GAB4: variants seen among roughly 807,000 people sequenced by gnomAD.
The protein encoded by GAB4 is GRB2 associated binding protein family member 4.
Under a neutral mutation model 51.3 loss-of-function variants are expected in GAB4, and 26 were observed. That is an observed-to-expected ratio of 0.51 (90% CI 0.37 to 0.70). The LOEUF (loss-of-function observed/expected upper bound fraction) is 0.70, where lower values mean the gene tolerates loss of function less well. GAB4 is among the 30% of genes least tolerant of loss of function. The pLI, the probability that GAB4 is intolerant of heterozygous loss-of-function variation, is 0.00. For synonymous variants in GAB4, 329 were observed against 291.2 expected (o/e 1.13, Z -1.32); for missense variants, 759 against 734.6 (o/e 1.03, Z -0.38).
At chr22:16,969,294 T>A (rs986991513) in intron 4 of GAB4, among the ~76,000 whole-genome samples, 1 of 152,240 alleles carries the variant, frequency 6.6e-6, no homozygotes, top group African/African-American at 2.4e-5. Flanking sequence ...CTGTTTTAAG[T>A]CTTTACTCGG....
At chr22:16,993,733 G>C (rs2060930740) in intron 1 of GAB4, among the ~76,000 whole-genome samples, 1 of 152,132 alleles carries the variant, frequency 6.6e-6, no homozygotes, top group Non-Finnish European at 1.5e-5. Flanking sequence ...TATTTACCTA[G>C]TTCATGGTTT....
rs531744203 is a variant in GAB4, at chr22:17,001,650, A to G, written c.174+6291T>C. ...TGAAGCCTTCTTCTGTCAACTCGTC[A>G]AAGTCATTCTCTGTCCAGCTTTGCT... On this transcript the variant is annotated intron_variant, in intron 1 of 9. Coordinates refer to ENST00000400588, the MANE Select transcript of GAB4 (RefSeq NM_001037814.1). Among the ~76,000 whole-genome samples, 11 of 152,308 alleles carry G rather than the reference A, an allele frequency of 7.2e-5. No homozygotes were observed. In the South Asian group the frequency reaches 1.9e-3, roughly 26 times the overall value.
At chr22:17,001,719 G>T (rs758846124) in intron 1 of GAB4, among the ~76,000 whole-genome samples, 1 of 152,136 alleles carries the variant, frequency 6.6e-6, no homozygotes, top group South Asian at 2.1e-4. Context: ...GAGAAGAGGC[G>T]CTCTGATTTT....
intron 1 of GAB4, among the ~76,000 whole-genome samples, chr22:16,998,212 C>T (rs1015968961): frequency 6.6e-6 from 1 of 152,184 alleles, no homozygotes; most frequent in East Asian, 1.9e-4. Context: ...GGGGATGGCA[C>T]TGAATCTATA....
At position 16,982,637 on chromosome 22, in the gene GAB4, G is replaced by C. The variant is rs2060835865; in HGVS notation, c.686+5323C>G. Among the ~76,000 whole-genome samples, 3 of 152,094 alleles carry C rather than the reference G, an allele frequency of 2.0e-5. No homozygotes were observed. In the South Asian group the frequency reaches 6.2e-4, roughly 31 times the overall value. On this transcript the variant is annotated intron_variant, in intron 3 of 9. Coordinates refer to ENST00000400588, the MANE Select transcript of GAB4 (RefSeq NM_001037814.1). ...CAAAATACATTCAGTATTCTCTACA[G>C]AAATAGAAACAAAAATTCTAAAATT...
chr22:16,986,442 G>GT (rs1569103351), intron 3 of GAB4, among the ~76,000 whole-genome samples: 1 of 152,194 alleles, frequency 6.6e-6, no homozygotes. Context: ...AGAACCACAG[G>GT]TAACAGGGAC....
chr22:16,975,941 C>A (rs1309590008), intron 3 of GAB4, among the ~76,000 whole-genome samples: 1 of 152,130 alleles, frequency 6.6e-6, no homozygotes, highest in African/African-American at 2.4e-5. Context: ...AGGGGTCTGA[C>A]TGTTAGGAGG....
chr22:16,986,223 G>A (rs2060866159), intron 3 of GAB4, among the ~76,000 whole-genome samples: 1 of 152,232 alleles, frequency 6.6e-6, no homozygotes, highest in Non-Finnish European at 1.5e-5. Flanking sequence ...TCCTCAGTCT[G>A]TGTCAGCAAG....
chr22:17,001,495 T>C (rs1225425451), intron 1 of GAB4, among the ~76,000 whole-genome samples: 2 of 152,208 alleles, frequency 1.3e-5, no homozygotes, highest in Non-Finnish European at 2.9e-5. Flanking sequence ...CATCAGGTCA[T>C]TTAAGGACTT....
chr22:16,987,892 A>T, intron 3 of GAB4, 68 bp downstream of exon 3: 4 of 1,208,132 alleles, frequency 3.3e-6, no homozygotes, highest in Non-Finnish European at 4.7e-6. Context: ...AATTTAAAAA[A>T]ATCAGGGACT....
intron 5 of GAB4, chr22:16,967,291 T>A (rs747142845): frequency 6.5e-6 from 1 of 153,128 alleles, no homozygotes; most frequent in Non-Finnish European, 1.4e-5. Flanking sequence ...CCATGCACCA[T>A]GCAGATGTGG....
At chr22:16,964,111 A>G (rs552215889) in intron 8 of GAB4, among the ~76,000 whole-genome samples, 3 of 152,022 alleles carry the variant, frequency 2.0e-5, no homozygotes, top group Admixed American at 6.5e-5. Context: ...CTCCCCCTCC[A>G]GCTCCCAGAG....
intron 5 of GAB4, chr22:16,966,595 T>G (rs2060677929): frequency 1.9e-6 from 1 of 540,208 alleles, no homozygotes; most frequent in Non-Finnish European, 3.3e-6. Context: ...GGTCAGACTT[T>G]GGAGCAGCTT....
chr22:17,007,703 G>A (rs980324050), intron 1 of GAB4, among the ~76,000 whole-genome samples: 25 of 152,126 alleles, frequency 1.6e-4, no homozygotes, highest in African/African-American at 6.0e-4. Flanking sequence ...GCAGGCCCAC[G>A]GCGCTCAAGG....
intron 8 of GAB4, among the ~76,000 whole-genome samples, chr22:16,964,302 G>A (rs189802732): frequency 2.6e-5 from 4 of 152,190 alleles, no homozygotes; most frequent in African/African-American, 9.7e-5. Flanking sequence ...TGCTTTGCTG[G>A]CTGGCTCATT....
intron 3 of GAB4, among the ~76,000 whole-genome samples, chr22:16,981,071 G>A (rs2060823433): frequency 6.6e-6 from 1 of 151,990 alleles, no homozygotes; most frequent in Non-Finnish European, 1.5e-5. Flanking sequence ...ATGGGTTGAT[G>A]GGTGCAGCAA....
At chr22:16,968,530 C>T (rs1601249328) in intron 4 of GAB4, 147 bp from the exon 5 acceptor site, 1 of 647,700 alleles carries the variant, frequency 1.5e-6, no homozygotes, top group Non-Finnish European at 2.8e-6. Context: ...ACCTCTAACA[C>T]ATCCCTGCTC....
intron 4 of GAB4, among the ~76,000 whole-genome samples, chr22:16,968,932 A>G (rs2060705912): frequency 6.6e-6 from 1 of 152,342 alleles, no homozygotes; most frequent in Admixed American, 6.5e-5. Context: ...GAATAAGCCT[A>G]AGTACCATGG....
intron 9 of GAB4, 79 bp from the exon 10 acceptor site, chr22:16,962,955 C>G: frequency 7.1e-7 from 1 of 1,399,474 alleles, no homozygotes; most frequent in Non-Finnish European, 9.8e-7. Flanking sequence ...GGAGTGGGCT[C>G]TCTCAAACTT....
Sources: gnomAD v4.1 joint callset for allele counts (sites outside exome capture counted in the v4.1 genomes callset) on GRCh38, gnomAD v4.1.1 for gene constraint, MANE v1.5 for transcripts, NCBI Gene and HGNC (gene_info 2026-07-23, HGNC 2026-07-21) for gene names.